The following KCNIP4 variants were observed in gnomAD, a reference collection of about 807,000 sequenced individuals.
KCNIP4 encodes the protein Kv channel-interacting protein 4.
Under a neutral mutation model 34.0 loss-of-function variants are expected in KCNIP4, and 12 were observed. That is an observed-to-expected ratio of 0.35 (90% CI 0.23 to 0.57). The LOEUF (loss-of-function observed/expected upper bound fraction) is 0.57, where lower values mean the gene tolerates loss of function less well. Among genes scored for constraint, KCNIP4 ranks in the 20% least tolerant of loss-of-function variants. The probability of loss-of-function intolerance (pLI) is 0.83; values close to 1 mark genes in which losing one functional copy is unlikely to be tolerated. For synonymous variants in KCNIP4, 124 were observed against 102.2 expected (o/e 1.21, Z -1.29); for missense variants, 238 against 311.7 (o/e 0.76, Z 1.78).
chr4:21,762,579 G>C (rs996519549), intron 1 of KCNIP4, among the ~76,000 whole-genome samples: 1 of 151,986 alleles, frequency 6.6e-6, no homozygotes, highest in Non-Finnish European at 1.5e-5. Context: ...TTAGTTAGAC[G>C]AATCTCAGGA....
intron 1 of KCNIP4, among the ~76,000 whole-genome samples, chr4:21,215,332 C>A (rs1171025994): frequency 1.3e-5 from 2 of 152,004 alleles, no homozygotes; most frequent in Admixed American, 6.6e-5. Context: ...CAATGTGAAC[C>A]TTTTCATGGT....
chr4:21,478,545 C>T (rs1041067585), intron 1 of KCNIP4, among the ~76,000 whole-genome samples: 8 of 152,048 alleles, frequency 5.3e-5, no homozygotes, highest in Admixed American at 2.0e-4. Flanking sequence ...AACGTTTTGG[C>T]GCTCCCCAGA....
chr4:21,399,363 G>T lies in KCNIP4; in HGVS notation c.62-516654C>A, dbSNP rs571607254. On this transcript the variant is annotated intron_variant, in intron 1 of 8. Coordinates refer to ENST00000382152, the MANE Select transcript of KCNIP4 (RefSeq NM_025221.6). ...CTGACCCTCACAGGATGTGATGCAG[G>T]CATTGTCTGCAACCACCTAGCACCA... 2.0e-4 allele frequency among the ~76,000 whole-genome samples: 30 copies of T among 152,300 alleles called. No homozygotes were observed. In the East Asian group the frequency reaches 5.8e-3, roughly 29 times the overall value.
At chr4:21,654,999 T>G (rs1747811219) in intron 1 of KCNIP4, among the ~76,000 whole-genome samples, 1 of 152,032 alleles carries the variant, frequency 6.6e-6, no homozygotes, top group South Asian at 2.1e-4. Context: ...TCCTCATTCT[T>G]TTTTTCTTTC....
chr4:21,658,436 G>A (rs1414928086), intron 1 of KCNIP4, among the ~76,000 whole-genome samples: 1 of 151,898 alleles, frequency 6.6e-6, no homozygotes, highest in South Asian at 2.1e-4. Flanking sequence ...ATTTTTTTGA[G>A]ACTGAGTCTC....
intron 1 of KCNIP4, among the ~76,000 whole-genome samples, chr4:21,617,189 G>A (rs1384269707): frequency 6.6e-6 from 1 of 151,988 alleles, no homozygotes; most frequent in Admixed American, 6.6e-5. Context: ...TTTCACCATG[G>A]TTTTACATTA....
chr4:21,189,119 C>T (rs1441119633), intron 1 of KCNIP4, among the ~76,000 whole-genome samples: 2 of 152,124 alleles, frequency 1.3e-5, no homozygotes, highest in Admixed American at 6.5e-5. Flanking sequence ...AATAATGTAT[C>T]TAAAGCATAC....
At chr4:21,072,182 G>A (rs1745006968) in intron 1 of KCNIP4, among the ~76,000 whole-genome samples, 1 of 152,084 alleles carries the variant, frequency 6.6e-6, no homozygotes, top group African/African-American at 2.4e-5. Flanking sequence ...TGGGTCAAAT[G>A]GTATTTCTAG....
chr4:21,077,304 T>C (rs1261994170), intron 1 of KCNIP4, among the ~76,000 whole-genome samples: 2 of 152,116 alleles, frequency 1.3e-5, no homozygotes, highest in African/African-American at 2.4e-5. Flanking sequence ...TGTTCGCTTA[T>C]CTCATTTGAA....
At chr4:21,864,302 T>C (rs1055314442) in intron 1 of KCNIP4, among the ~76,000 whole-genome samples, 1 of 152,182 alleles carries the variant, frequency 6.6e-6, no homozygotes, top group Non-Finnish European at 1.5e-5. Flanking sequence ...ACACAATAGG[T>C]AACATAGATT....
intron 1 of KCNIP4, among the ~76,000 whole-genome samples, chr4:21,870,036 T>C (rs1401318140): frequency 6.6e-6 from 1 of 152,184 alleles, no homozygotes; most frequent in Non-Finnish European, 1.5e-5. Context: ...TTATACCATC[T>C]GTGTATCTGC....
At chr4:20,820,369 T>C (rs563141174) in intron 3 of KCNIP4, among the ~76,000 whole-genome samples, 21 of 152,186 alleles carry the variant, frequency 1.4e-4, no homozygotes, top group African/African-American at 5.1e-4. Context: ...TGAACTAGAG[T>C]ATTTGGTGGA....
chr4:21,898,473 C>T (rs771230168), intron 1 of KCNIP4, among the ~76,000 whole-genome samples: 3 of 152,098 alleles, frequency 2.0e-5, no homozygotes, highest in Non-Finnish European at 4.4e-5. Context: ...GGGCACCAGA[C>T]AGAGTCCTGA....
At chr4:21,208,038 G>C (rs1237325803) in intron 1 of KCNIP4, among the ~76,000 whole-genome samples, 1 of 151,386 alleles carries the variant, frequency 6.6e-6, no homozygotes, top group African/African-American at 2.4e-5. Context: ...ATACGGGGTT[G>C]TGCCATGTTA....
At chr4:21,839,101 T>C (rs1247808337) in intron 1 of KCNIP4, among the ~76,000 whole-genome samples, 1 of 152,192 alleles carries the variant, frequency 6.6e-6, no homozygotes, top group Non-Finnish European at 1.5e-5. Flanking sequence ...AAATGCTCCA[T>C]TTCATTGAAA....
At chr4:21,427,300 C>T (rs974468572) in intron 1 of KCNIP4, among the ~76,000 whole-genome samples, 2 of 149,328 alleles carry the variant, frequency 1.3e-5, no homozygotes, top group South Asian at 2.1e-4. Context: ...TGTTAAGCCA[C>T]GGGAATAAAT....
intron 1 of KCNIP4, among the ~76,000 whole-genome samples, chr4:21,569,552 A>T (rs1051594528): frequency 2.0e-5 from 3 of 152,112 alleles, no homozygotes; most frequent in African/African-American, 7.2e-5. Context: ...ATGATATAAA[A>T]ATAAGCACTA....
intron 1 of KCNIP4, chr4:21,850,733 T>C (rs2109335454): frequency 6.6e-6 from 1 of 152,296 alleles, no homozygotes; most frequent in South Asian, 2.1e-4. Flanking sequence ...TAAGATTTTT[T>C]ACATCAGTTT....
chr4:21,373,147 C>A lies in KCNIP4; in HGVS notation c.62-490438G>T, dbSNP rs1470308356. 2.0e-5 allele frequency among the ~76,000 whole-genome samples: 3 copies of A among 146,572 alleles called. 1 individual carries two copies. The highest frequency in any genetic ancestry group is 2.0e-4 in the East Asian group (1 of 5,030). On this transcript the variant is annotated intron_variant, in intron 1 of 8. Coordinates refer to ENST00000382152, the MANE Select transcript of KCNIP4 (RefSeq NM_025221.6). ...CTTTAGCCTGAGCAACACAGCAAGA[C>A]CTTGTCTCTACAAAAAATGTAAAAA...
Sources: gnomAD v4.1 joint callset for allele counts (sites outside exome capture counted in the v4.1 genomes callset) on GRCh38, gnomAD v4.1.1 for gene constraint, MANE v1.5 for transcripts, NCBI Gene and HGNC (gene_info 2026-07-23, HGNC 2026-07-21) for gene names.